Variants in PPME1 observed in about 807,000 individuals in gnomAD.
The protein encoded by PPME1 is testicular secretory protein Li 39.
In PPME1, 17 loss-of-function variants were observed where a neutral mutation model predicts 56.9. The ratio of observed to expected loss-of-function variants is 0.30; its 90% CI spans 0.20 to 0.45. The LOEUF (loss-of-function observed/expected upper bound fraction) is 0.45, where lower values mean the gene tolerates loss of function less well. PPME1 is among the 20% of genes least tolerant of loss of function. The pLI is 1.00. For synonymous variants in PPME1, 122 were observed against 156.2 expected (o/e 0.78, Z 1.63); for missense variants, 357 against 483.2 (o/e 0.74, Z 2.45).
At position 74,203,770 on chromosome 11, in the gene PPME1, G is replaced by C. The variant is rs201971289; in HGVS notation, c.144G>C (p.Gln48His). 1.9e-5 allele frequency: 30 copies of C among 1,612,526 alleles called. No homozygotes were observed. In the East Asian group the frequency reaches 6.5e-4, roughly 35 times the overall value. The change falls in exon 2 of 14, where the codon CAG becomes CAC. Residue 48 changes from glutamine to histidine, a missense_variant. Physicochemically the swap from Gln to His is conservative, Grantham distance 24 (BLOSUM62 0). Transcript: ENST00000328257. The stretch of plus-strand genomic sequence containing the variant: ...ACTTTTCCCCTGTTCCTTGGAGTCA[G>C]TATTTTGAGTCCATGGAAGATGTAG... Reference protein sequence around the residue: ...KRDFSPVPWSQYFESMEDVEV... With the variant: ...KRDFSPVPWSHYFESMEDVEV...
At chr11:74,207,783 C>G (rs983734914) in intron 3 of PPME1, among the ~76,000 whole-genome samples, 2 of 152,164 alleles carry the variant, frequency 1.3e-5, no homozygotes, top group Non-Finnish European at 2.9e-5. Flanking sequence ...ACAGTGGGAT[C>G]TCATTAGCAC....
At chr11:74,194,187 T>A (rs1406040299) in intron 1 of PPME1, among the ~76,000 whole-genome samples, 1 of 152,164 alleles carries the variant, frequency 6.6e-6, no homozygotes, top group African/African-American at 2.4e-5. Context: ...GGCCTTTTTT[T>A]ATTTTATTTT....
intron 3 of PPME1, among the ~76,000 whole-genome samples, chr11:74,210,169 G>C (rs1434679634): frequency 6.6e-6 from 1 of 152,150 alleles, no homozygotes; most frequent in Non-Finnish European, 1.5e-5. Context: ...GACCAGGTAG[G>C]TTTTGTTCAA....
At chr11:74,185,937 A>G (rs2135598025) in intron 1 of PPME1, among the ~76,000 whole-genome samples, 1 of 152,210 alleles carries the variant, frequency 6.6e-6, no homozygotes, top group South Asian at 2.1e-4. Context: ...GTTTTAAGTG[A>G]GGTAAGGTTT....
intron 8 of PPME1, chr11:74,238,184 T>TA (rs1216820866): frequency 6.6e-6 from 1 of 151,656 alleles, no homozygotes; most frequent in African/African-American, 2.4e-5. Context: ...TTTTTTTTTT[T>TA]ATCACATCTA....
intron 1 of PPME1, among the ~76,000 whole-genome samples, chr11:74,175,292 C>T (rs1415152727): frequency 2.0e-5 from 3 of 151,976 alleles, no homozygotes; most frequent in East Asian, 1.9e-4. Context: ...CACCTGAGGT[C>T]GGGAGTTCAA....
chr11:74,250,953 G>T lies in PPME1; in HGVS notation c.1010-1G>T. ...GTTGCCTTGCTTTGATTCCTCTCCA[G>T]GGAAGTTCCAGATGCAGGTCCTACC... On this transcript the variant is annotated splice_acceptor_variant, in intron 11 of 13. Coordinates refer to ENST00000328257, the MANE Select transcript of PPME1 (RefSeq NM_016147.3). LOFTEE classifies it high-confidence loss of function. The T allele has an allele frequency of 6.3e-7, 1 of 1,597,486 alleles. No homozygotes were observed. Among genetic ancestry groups the T allele is most frequent in the Non-Finnish European group, 8.5e-7 (1 of 1,171,672 alleles).
chr11:74,211,735 C>T (rs1255142201), intron 3 of PPME1, among the ~76,000 whole-genome samples: 1 of 151,690 alleles, frequency 6.6e-6, no homozygotes, highest in Non-Finnish European at 1.5e-5. Context: ...TTAATATTTT[C>T]GTTATATTAA....
At chr11:74,201,271 G>A (rs539252429) in intron 1 of PPME1, among the ~76,000 whole-genome samples, 8 of 152,180 alleles carry the variant, frequency 5.3e-5, no homozygotes, top group Non-Finnish European at 8.8e-5. Flanking sequence ...CACCGCGCCC[G>A]GCTACAGGCC....
intron 7 of PPME1, among the ~76,000 whole-genome samples, chr11:74,232,607 A>G (rs1859094699): frequency 6.6e-6 from 1 of 152,140 alleles, no homozygotes; most frequent in African/African-American, 2.4e-5. Flanking sequence ...TTCCGCAGTA[A>G]CAACAAGTGA....
intron 7 of PPME1, among the ~76,000 whole-genome samples, chr11:74,232,120 T>C (rs541476532): frequency 4.1e-4 from 62 of 151,364 alleles, no homozygotes; most frequent in African/African-American, 1.1e-3. Flanking sequence ...CAGATGACGC[T>C]TTCAGCAAAA....
At chr11:74,232,264 G>T (rs1055431319) in intron 7 of PPME1, among the ~76,000 whole-genome samples, 1 of 152,196 alleles carries the variant, frequency 6.6e-6, no homozygotes, top group African/African-American at 2.4e-5. Flanking sequence ...CATCATAAGG[G>T]AAGAAGCTAT....
intron 1 of PPME1, among the ~76,000 whole-genome samples, chr11:74,203,313 C>CTATT (rs1565382131): frequency 1.3e-5 from 2 of 152,088 alleles, no homozygotes; most frequent in Admixed American, 1.3e-4. Context: ...GTGACCAAGA[C>CTATT]TATTGACTGT....
intron 1 of PPME1, 68 bp downstream of exon 1, chr11:74,171,590 G>C: frequency 2.0e-6 from 3 of 1,500,710 alleles, no homozygotes; most frequent in Middle Eastern, 1.7e-4. Context: ...ATCTCTGGGC[G>C]TTCATAGAGG....
chr11:74,212,863 C>T (rs1211607867), intron 3 of PPME1, among the ~76,000 whole-genome samples: 4 of 152,108 alleles, frequency 2.6e-5, no homozygotes, highest in Admixed American at 2.0e-4. Flanking sequence ...CAGTATTTGC[C>T]GTGGTCCTGA....
chr11:74,196,428 A>C (rs1009256918), intron 1 of PPME1, among the ~76,000 whole-genome samples: 1 of 152,178 alleles, frequency 6.6e-6, no homozygotes, highest in Non-Finnish European at 1.5e-5. Flanking sequence ...AATTATGTAT[A>C]TGGTGTGAGG....
intron 3 of PPME1, among the ~76,000 whole-genome samples, chr11:74,207,117 C>CTA (rs112737252): frequency 0.1 from 15,851 of 152,140 alleles, 2,153 homozygotes; most frequent in African/African-American, 0.32. Context: ...AGGGCAGAAA[C>CTA]TAGAGACCTA....
chr11:74,199,089 A>T (rs1858073656), intron 1 of PPME1, among the ~76,000 whole-genome samples: 1 of 152,238 alleles, frequency 6.6e-6, no homozygotes, highest in South Asian at 2.1e-4. Flanking sequence ...TATGACAGGC[A>T]GCAGGCTGGG....
At position 74,196,042 on chromosome 11, in the gene PPME1, T is replaced by G. The variant is rs57151924; in HGVS notation, c.102-7686T>G. Among the ~76,000 whole-genome samples, 307 of 152,334 alleles carry G rather than the reference T, an allele frequency of 2.0e-3. 4 individuals are homozygous for G. Among genetic ancestry groups the G allele is most frequent in the African/African-American group, 6.8e-3 (284 of 41,582 alleles). ...TCTATAATGACTAACAGGAAGTACT[T>G]ACTAATAATCACTTTGCAAAGCTTA... On this transcript the variant is annotated intron_variant, in intron 1 of 13. Coordinates refer to ENST00000328257, the MANE Select transcript of PPME1 (RefSeq NM_016147.3).
Sources: gnomAD v4.1 joint callset for allele counts (sites outside exome capture counted in the v4.1 genomes callset) on GRCh38, gnomAD v4.1.1 for gene constraint, MANE v1.5 for transcripts, NCBI Gene and HGNC (gene_info 2026-07-23, HGNC 2026-07-21) for gene names.